TMTC2: variants seen among roughly 807,000 people sequenced by gnomAD.
The protein encoded by TMTC2 is transmembrane O-mannosyltransferase targeting cadherins 2.
TMTC2 carries 43 observed loss-of-function variants against 82.4 expected under a neutral mutation model. That is an observed-to-expected ratio of 0.52 (90% confidence interval 0.41 to 0.67). The LOEUF (loss-of-function observed/expected upper bound fraction) is 0.67. Ranked by LOEUF, TMTC2 falls within the 30% of genes least tolerant of loss-of-function variation. The pLI, the probability that TMTC2 is intolerant of heterozygous loss-of-function variation, is 0.00. For missense variants in TMTC2, 919 were observed against 1,012.4 expected, an observed-to-expected ratio of 0.91 and a Z score of 1.25; for synonymous variants, 408 against 381.9, an observed-to-expected ratio of 1.07 and a Z score of -0.80.
intron 9 of TMTC2, among the ~76,000 whole-genome samples, chr12:83,038,422 A>T (rs1881756077): frequency 6.6e-6 from 1 of 152,284 alleles, no homozygotes; most frequent in East Asian, 1.9e-4. Flanking sequence ...TTCTCTCTTG[A>T]TAATTTATCT....
intron 6 of TMTC2, among the ~76,000 whole-genome samples, 159 bp from the exon 7 acceptor site, chr12:82,966,760 G>A (rs1430242862): frequency 6.6e-6 from 1 of 152,140 alleles, no homozygotes; most frequent in Non-Finnish European, 1.5e-5. Context: ...AATTGAGATA[G>A]TATGCCACAA....
chr12:82,863,130 A>G (rs570484818), intron 2 of TMTC2, among the ~76,000 whole-genome samples: 1 of 151,906 alleles, frequency 6.6e-6, no homozygotes, highest in South Asian at 2.1e-4. Context: ...TTGTTTCTAG[A>G]CTAGGTTGTG....
chr12:83,028,797 G>T (rs148420342), intron 8 of TMTC2, among the ~76,000 whole-genome samples: 14 of 152,162 alleles, frequency 9.2e-5, no homozygotes, highest in African/African-American at 3.4e-4. Context: ...AAACCTAATC[G>T]GTAAGATACT....
intron 8 of TMTC2, among the ~76,000 whole-genome samples, chr12:82,988,832 A>G (rs964817462): frequency 1.4e-5 from 2 of 148,132 alleles, no homozygotes; most frequent in East Asian, 3.9e-4. Context: ...CCCAAACCAG[A>G]CAGAGCACAG....
At position 82,843,174 on chromosome 12, in the gene TMTC2, C is replaced by T. The variant is rs766005565; in HGVS notation, c.84-13836C>T. Among the ~76,000 whole-genome samples, 9 of 152,078 alleles carry T rather than the reference C, an allele frequency of 5.9e-5. No individual in the cohort carries two copies. In the East Asian group the frequency reaches 7.7e-4, roughly 13 times the overall value. ...CAATCTCGGCTCACTGCAATCTCTG[C>T]CTCCCGGGTTCAAGCGATTCTCCTG... On this transcript the variant is annotated intron_variant, in intron 1 of 11. Coordinates refer to ENST00000321196, the MANE Select transcript of TMTC2 (RefSeq NM_152588.3).
At chr12:83,002,541 C>T (rs1339363320) in intron 8 of TMTC2, among the ~76,000 whole-genome samples, 1 of 152,186 alleles carries the variant, frequency 6.6e-6, no homozygotes, top group East Asian at 1.9e-4. Flanking sequence ...TTGATATAGG[C>T]ATTTAGCACT....
At chr12:82,687,716 C>T (rs984019665) in intron 1 of TMTC2, 47 bp downstream of exon 1, 1 of 1,547,820 alleles carries the variant, frequency 6.5e-7, no homozygotes, top group Non-Finnish European at 8.8e-7. Flanking sequence ...GGGCACACTC[C>T]GCAGTGGCTC....
At chr12:82,915,545 G>A (rs1445782697) in intron 3 of TMTC2, among the ~76,000 whole-genome samples, 1 of 152,176 alleles carries the variant, frequency 6.6e-6, no homozygotes, top group Non-Finnish European at 1.5e-5. Flanking sequence ...GCCATTAGGT[G>A]GCAGGAACAT....
At chr12:83,122,666 A>T (rs1884991520) in intron 11 of TMTC2, among the ~76,000 whole-genome samples, 1 of 152,186 alleles carries the variant, frequency 6.6e-6, no homozygotes, top group African/African-American at 2.4e-5. Flanking sequence ...CACTCACAGT[A>T]TTTGGGGTGT....
Position 83,050,905 on chromosome 12 carries a change from T to C in TMTC2, c.2154T>C (p.Gly718=). 5 of 1,610,462 alleles carry C rather than the reference T, an allele frequency of 3.1e-6. No homozygotes were observed. Among genetic ancestry groups the C allele is most frequent in the Non-Finnish European group, 4.2e-6 (5 of 1,177,830 alleles). Residue 718 remains glycine (G), a splice_region_variant and synonymous_variant, in exon 10 of 12, where the codon GGT becomes GGC. Transcript: ENST00000321196. The part of the protein sequence containing the change: ...PTKGNCYMHY[G]QFLLEEARLI... Reference sequence around the variant, plus strand: ...CTCACTGGTTTTTATACTTTTCAGGTCAGTTTCTTCTGGAAGAAGCTCGTC... The same window carrying C: ...CTCACTGGTTTTTATACTTTTCAGGCCAGTTTCTTCTGGAAGAAGCTCGTC...
intron 1 of TMTC2, among the ~76,000 whole-genome samples, chr12:82,793,333 A>T (rs903024634): frequency 6.6e-6 from 1 of 150,656 alleles, no homozygotes; most frequent in Admixed American, 6.6e-5. Context: ...TTTTCTCAGG[A>T]TAAGAAAGCA....
chr12:82,786,246 T>G (rs1878171176), intron 1 of TMTC2, among the ~76,000 whole-genome samples: 1 of 152,084 alleles, frequency 6.6e-6, no homozygotes, highest in South Asian at 2.1e-4. Flanking sequence ...AGCTTCCTTC[T>G]TCAAAGGAAT....
intron 4 of TMTC2, among the ~76,000 whole-genome samples, chr12:82,953,610 G>GA (rs1877463133): frequency 6.6e-6 from 1 of 152,046 alleles, no homozygotes; most frequent in African/African-American, 2.4e-5. Context: ...TAATTCTTGG[G>GA]AAAAAAGTGA....
intron 1 of TMTC2, among the ~76,000 whole-genome samples, chr12:82,773,096 G>A (rs146984275): frequency 2.0e-5 from 3 of 152,098 alleles, no homozygotes; most frequent in African/African-American, 7.2e-5. Context: ...GATGGAAAAT[G>A]GATCCCAAGT....
chr12:82,896,533 A>T lies in TMTC2; in HGVS notation c.1370A>T (p.Tyr457Phe), dbSNP rs754262984. 9 of 1,614,048 alleles carry T rather than the reference A, an allele frequency of 5.6e-6. No homozygotes were observed. Among genetic ancestry groups the T allele is most frequent in the Non-Finnish European group, 6.8e-6 (8 of 1,180,026 alleles). Residue 457 changes from tyrosine to phenylalanine, a missense_variant, in exon 3 of 12, where the codon TAT (tyrosine) becomes TTT (phenylalanine). Coordinates refer to ENST00000321196, the MANE Select transcript of TMTC2 (RefSeq NM_152588.3). ...CGGTTCCTCAAGAGCTTGATTTTTT[A>T]TGCTACAGCTACACTAATTGTTTTT... ...QKRFLKSLIF[Y>F]ATATLIVFYG...
intron 9 of TMTC2, among the ~76,000 whole-genome samples, chr12:83,048,741 T>G (rs1161962213): frequency 6.6e-6 from 1 of 152,244 alleles, no homozygotes; most frequent in East Asian, 1.9e-4. Context: ...CAATCTCAGC[T>G]CACTGCAACC....
intron 4 of TMTC2, among the ~76,000 whole-genome samples, chr12:82,944,116 G>A (rs1876863547): frequency 6.6e-6 from 1 of 152,176 alleles, no homozygotes; most frequent in Non-Finnish European, 1.5e-5. Flanking sequence ...ACTGGAATGT[G>A]TTTCCATAGT....
At chr12:82,975,798 A>G (rs1878641428) in intron 7 of TMTC2, among the ~76,000 whole-genome samples, 1 of 152,020 alleles carries the variant, frequency 6.6e-6, no homozygotes, top group South Asian at 2.1e-4. Flanking sequence ...CTGCAGCTAT[A>G]CAACTCCTGT....
intron 1 of TMTC2, among the ~76,000 whole-genome samples, chr12:82,803,644 G>A (rs974573690): frequency 1.3e-5 from 2 of 151,948 alleles, no homozygotes; most frequent in African/African-American, 2.4e-5. Flanking sequence ...AAAATGCTTC[G>A]GTTGAGCATG....
Sources: allele counts gnomAD v4.1 joint callset (sites outside exome capture counted in the v4.1 genomes callset), GRCh38; gene constraint gnomAD v4.1.1; transcripts MANE v1.5; gene names NCBI Gene and HGNC (gene_info 2026-07-23, HGNC 2026-07-21).